The following CDH13 variants were observed in gnomAD, a reference collection of about 807,000 sequenced individuals.
CDH13 encodes cadherin 13.
Under a neutral mutation model 63.8 loss-of-function variants are expected in CDH13, and 24 were observed. That is an observed-to-expected ratio of 0.38 (90% CI 0.27 to 0.53). The LOEUF (loss-of-function observed/expected upper bound fraction) is 0.53, where lower values mean the gene tolerates loss of function less well. Ranked by LOEUF, CDH13 falls within the 20% of genes least tolerant of loss-of-function variation. The probability of loss-of-function intolerance (pLI) is 0.85; values close to 1 mark genes in which losing one functional copy is unlikely to be tolerated. For synonymous variants in CDH13, 503 were observed against 355.3 expected (o/e 1.42, Z -4.67); for missense variants, 1,049 against 903.1 (o/e 1.16, Z -2.07).
intron 6 of CDH13, among the ~76,000 whole-genome samples, chr16:83,475,579 G>A (rs961287217): frequency 2.6e-5 from 4 of 152,012 alleles, no homozygotes; most frequent in African/African-American, 9.7e-5. Flanking sequence ...TGTGGTTTTT[G>A]TTGTTGTTGT....
chr16:83,187,164 T>C (rs1419032874), intron 4 of CDH13, among the ~76,000 whole-genome samples: 1 of 152,010 alleles, frequency 6.6e-6, no homozygotes, highest in Non-Finnish European at 1.5e-5. Flanking sequence ...AGAAATGGGG[T>C]TTCACCATGT....
At chr16:83,141,951 C>T (rs9927840) in intron 4 of CDH13, among the ~76,000 whole-genome samples, 9,290 of 152,150 alleles carry the variant, frequency 0.061, 645 homozygotes, top group African/African-American at 0.17. Flanking sequence ...TGTCAGAGCA[C>T]ACTGCAGGAC....
chr16:83,191,468 T>G (rs1339270233), intron 4 of CDH13, among the ~76,000 whole-genome samples: 182 of 117,946 alleles, frequency 1.5e-3, no homozygotes, highest in African/African-American at 5.0e-3. Context: ...AATATATATA[T>G]ATATATATAT....
At chr16:82,968,433 G>A (rs1221569608) in intron 2 of CDH13, among the ~76,000 whole-genome samples, 1 of 152,208 alleles carries the variant, frequency 6.6e-6, no homozygotes, top group East Asian at 1.9e-4. Flanking sequence ...AAAGCTGGTA[G>A]TAGGGATGAA....
At chr16:83,033,627 G>A (rs12934188) in intron 3 of CDH13, among the ~76,000 whole-genome samples, 28,013 of 152,028 alleles carry the variant, frequency 0.18, 2,696 homozygotes, top group East Asian at 0.27. Context: ...CCCTTCCACA[G>A]GCACATGCAT....
In CDH13 at chr16:82,923,195, A is replaced by G. The variant is rs2042209102; in HGVS notation, c.157+64722A>G. On this transcript the variant is annotated intron_variant, in intron 2 of 13. Transcript: ENST00000567109. ...TCTGTGAAATGCAATAAAGGGAAGCATAATAAAAGGAAGTATGCCTGTAAT... is the reference window on the plus strand; with the variant it reads ...TCTGTGAAATGCAATAAAGGGAAGCGTAATAAAAGGAAGTATGCCTGTAAT... Among the ~76,000 whole-genome samples, 2 of 152,258 alleles carry G rather than the reference A, an allele frequency of 1.3e-5. 1 individual carries two copies. The highest frequency in any genetic ancestry group is 1.3e-4 in the Admixed American group (2 of 15,282).
chr16:82,889,265 G>C (rs899488288), intron 2 of CDH13, among the ~76,000 whole-genome samples: 1 of 151,610 alleles, frequency 6.6e-6, no homozygotes, highest in African/African-American at 2.4e-5. Context: ...TAGCACTCTT[G>C]ATTCAGGAAA....
intron 6 of CDH13, among the ~76,000 whole-genome samples, chr16:83,461,761 A>G (rs1002702355): frequency 6.6e-6 from 1 of 152,206 alleles, no homozygotes; most frequent in Non-Finnish European, 1.5e-5. Flanking sequence ...CTAGCAATGT[A>G]AAAGATCAGC....
intron 2 of CDH13, among the ~76,000 whole-genome samples, chr16:82,931,990 A>G (rs1368922905): frequency 1.3e-5 from 2 of 152,134 alleles, no homozygotes. Context: ...CAGAATGAAA[A>G]GGGGGGCACA....
chr16:83,048,315 T>C (rs1457286331), intron 3 of CDH13, among the ~76,000 whole-genome samples: 1 of 152,196 alleles, frequency 6.6e-6, no homozygotes, highest in Non-Finnish European at 1.5e-5. Flanking sequence ...TCAGCAGGTA[T>C]AAATATGAAG....
chr16:83,413,685 C>T (rs184105776), intron 6 of CDH13, among the ~76,000 whole-genome samples: 99 of 152,262 alleles, frequency 6.5e-4, no homozygotes, highest in East Asian at 3.9e-3. Context: ...ACCTTGCCGG[C>T]CTCATCTAAA....
chr16:83,740,000 C>G (rs376339980), intron 10 of CDH13: 1 of 152,124 alleles, frequency 6.6e-6, no homozygotes, highest in Non-Finnish European at 1.5e-5. Context: ...AACACAGAGG[C>G]CTTGGTGTTG....
intron 2 of CDH13, among the ~76,000 whole-genome samples, chr16:83,021,283 A>T (rs1272684737): frequency 1.3e-5 from 2 of 152,214 alleles, no homozygotes; most frequent in South Asian, 2.1e-4. Context: ...AGGGTTGAGT[A>T]TGTACTGTGT....
chr16:83,011,748 C>T (rs1267363220), intron 2 of CDH13, among the ~76,000 whole-genome samples: 3 of 152,140 alleles, frequency 2.0e-5, no homozygotes, highest in African/African-American at 7.2e-5. Context: ...TTTCATTTTC[C>T]AATGCTCTTC....
At chr16:83,102,349 C>A (rs2034520895) in intron 3 of CDH13, among the ~76,000 whole-genome samples, 1 of 152,184 alleles carries the variant, frequency 6.6e-6, no homozygotes, top group South Asian at 2.1e-4. Flanking sequence ...TACAGCAATT[C>A]TGTGGCTATC....
At chr16:83,428,251 A>T (rs989786835) in intron 6 of CDH13, among the ~76,000 whole-genome samples, 1 of 152,202 alleles carries the variant, frequency 6.6e-6, no homozygotes, top group Non-Finnish European at 1.5e-5. Context: ...TGACTGAGAA[A>T]CACAGGAAAA....
At chr16:83,114,266 A>T (rs906759186) in intron 3 of CDH13, among the ~76,000 whole-genome samples, 33 of 152,046 alleles carry the variant, frequency 2.2e-4, no homozygotes, top group African/African-American at 7.7e-4. Flanking sequence ...CTGATGTGTG[A>T]CTTTCATTAC....
intron 7 of CDH13, among the ~76,000 whole-genome samples, chr16:83,488,168 C>T (rs991100265): frequency 6.6e-6 from 1 of 152,194 alleles, no homozygotes; most frequent in Non-Finnish European, 1.5e-5. Flanking sequence ...CTCAAGTGCT[C>T]AGCAGTCATA....
At chr16:83,387,576 G>C (rs9319441) in intron 6 of CDH13, among the ~76,000 whole-genome samples, 1 of 152,002 alleles carries the variant, frequency 6.6e-6, no homozygotes, top group African/African-American at 2.4e-5. Flanking sequence ...AAATCAAAGA[G>C]CTGAAAAAAT....
Sources: gnomAD v4.1 joint callset for allele counts (sites outside exome capture counted in the v4.1 genomes callset) on GRCh38, gnomAD v4.1.1 for gene constraint, MANE v1.5 for transcripts, NCBI Gene and HGNC (gene_info 2026-07-23, HGNC 2026-07-21) for gene names.